DNAAF11: variants seen among roughly 807,000 people sequenced by gnomAD.
The protein encoded by DNAAF11 is dynein axonemal assembly factor 11.
DNAAF11 carries 45 observed loss-of-function variants against 60.8 expected under a neutral mutation model. The observed-to-expected ratio is 0.74, with a 90% CI of 0.58 to 0.95. The LOEUF is 0.95. DNAAF11 is among the 40% of genes least tolerant of loss of function. DNAAF11 has a pLI of 0.00. For synonymous variants in DNAAF11, 191 were observed against 183.5 expected (o/e 1.04, Z -0.33); for missense variants, 546 against 546.2 (o/e 1.00, Z 0.00).
At chr8:132,668,957 T>C (rs1174365076) in intron 1 of DNAAF11, among the ~76,000 whole-genome samples, 1 of 152,194 alleles carries the variant, frequency 6.6e-6, no homozygotes, top group Admixed American at 6.5e-5. Flanking sequence ...GCCAAGGTCA[T>C]GGCCTTTCCT....
At chr8:132,648,667 G>A (rs755380267) in intron 3 of DNAAF11, among the ~76,000 whole-genome samples, 12 of 152,098 alleles carry the variant, frequency 7.9e-5, no homozygotes, top group Non-Finnish European at 1.3e-4. Context: ...CAAAGTGTCA[G>A]GATAAAAAAT....
intron 11 of DNAAF11, among the ~76,000 whole-genome samples, chr8:132,582,834 A>G (rs959933955): frequency 6.6e-6 from 1 of 152,214 alleles, no homozygotes; most frequent in African/African-American, 2.4e-5. Flanking sequence ...TTCAAAATAG[A>G]TTTTACCATC....
At position 132,572,237 on chromosome 8, in the gene DNAAF11, C is replaced by T; in HGVS notation, c.*69G>A. 1.6e-6 allele frequency: 2 copies of T among 1,269,876 alleles called. No homozygotes were observed. Among genetic ancestry groups the T allele is most frequent in the South Asian group, 1.5e-5 (1 of 66,874 alleles). 78.7% of individuals were successfully genotyped at this position (1,269,876 alleles called of 1,614,324 possible). A position where few individuals can be genotyped will look rare whatever the true frequency, so the allele number is the denominator to read the frequency against. On this transcript the variant is annotated 3_prime_UTR_variant, in exon 12 of 12. Transcript: ENST00000620350. ...CTGTGTTTATCCCAGGAATAATATG[C>T]ATATGGTCTCTACACCAACCAAAAC...
chr8:132,598,345 T>C (rs1008876215), intron 10 of DNAAF11, among the ~76,000 whole-genome samples: 1 of 152,170 alleles, frequency 6.6e-6, no homozygotes, highest in East Asian at 1.9e-4. Flanking sequence ...ATTTATTAAA[T>C]TATGACCTTG....
At chr8:132,670,793 G>A (rs1271830433) in intron 1 of DNAAF11, among the ~76,000 whole-genome samples, 5 of 152,024 alleles carry the variant, frequency 3.3e-5, no homozygotes, top group South Asian at 2.1e-4. Context: ...CAATGTATAC[G>A]AGGTTGATAT....
At chr8:132,638,755 A>G (rs1821564905) in intron 3 of DNAAF11, among the ~76,000 whole-genome samples, 1 of 152,224 alleles carries the variant, frequency 6.6e-6, no homozygotes, top group Admixed American at 6.5e-5. Flanking sequence ...AGGGTTTTAT[A>G]GTAAATCTGA....
the DNAAF11 span, among the ~76,000 whole-genome samples, chr8:132,694,314 GATC>G: frequency 6.6e-6 from 1 of 152,154 alleles, no homozygotes; most frequent in Non-Finnish European, 1.5e-5. Context: ...ATTAAGGTAA[GATC>G]ATCAGTGTGG....
At chr8:132,636,006 T>C (rs1398987187) in intron 4 of DNAAF11, among the ~76,000 whole-genome samples, 1 of 151,770 alleles carries the variant, frequency 6.6e-6, no homozygotes, top group Non-Finnish European at 1.5e-5. Context: ...GTCAACATCT[T>C]GAACTTGAAC....
chr8:132,625,478 T>G, intron 5 of DNAAF11, 24 bp from the exon 6 acceptor site: 2 of 1,550,466 alleles, frequency 1.3e-6, no homozygotes, highest in Non-Finnish European at 8.8e-7. Flanking sequence ...ATAGAGCACT[T>G]AAAAACAATA....
chr8:132,632,811 C>G lies in DNAAF11; in HGVS notation c.582G>C (p.Glu194Asp). ...KEEAQRKHQE[E>D]DKNEDKRSNA... Reference sequence around the variant, plus strand: ...TACTTCTCTTGTCTTCATTTTTATCCTCTTCTTGGTGTTTCCTCTGAGCCT... The same window carrying G: ...TACTTCTCTTGTCTTCATTTTTATCGTCTTCTTGGTGTTTCCTCTGAGCCT... The change falls in exon 5 of 12, where the codon GAG becomes GAC. Residue 194 changes from glutamate to aspartate, a missense_variant. Transcript: ENST00000620350. The G allele has an allele frequency of 6.2e-7, 1 of 1,613,924 alleles. No homozygotes were observed.
At chr8:132,584,855 C>A (rs1209879190) in intron 10 of DNAAF11, among the ~76,000 whole-genome samples, 1 of 152,172 alleles carries the variant, frequency 6.6e-6, no homozygotes, top group Admixed American at 6.5e-5. Flanking sequence ...CTTCAAGGGT[C>A]TATCATCATC....
In DNAAF11 at chr8:132,570,717, T is replaced by G. The variant is rs1456184728; in HGVS notation, c.*1589A>C. Among the ~76,000 whole-genome samples the G allele has an allele frequency of 1.3e-5, 2 of 152,222 alleles. No individual in the cohort carries two copies. Among genetic ancestry groups the G allele is most frequent in the Non-Finnish European group, 2.9e-5 (2 of 68,052 alleles). On this transcript the variant is annotated 3_prime_UTR_variant, in exon 12 of 12. Transcript: ENST00000620350. ...GCAGAGGGACCCAGCCTGCTGCAGC[T>G]GATCCTTGATCTCCACCACTGTGTG...
intron 1 of DNAAF11, chr8:132,675,208 G>C (rs910430275): frequency 1.4e-5 from 6 of 413,972 alleles, no homozygotes; most frequent in Non-Finnish European, 2.6e-5. Context: ...CCCTTTCCTG[G>C]AGTCCAGTGC....
intron 1 of DNAAF11, among the ~76,000 whole-genome samples, chr8:132,664,370 T>C (rs1402971532): frequency 6.6e-6 from 1 of 152,198 alleles, no homozygotes; most frequent in Non-Finnish European, 1.5e-5. Context: ...GTGAAAGGCT[T>C]TTCTAAATTG....
At chr8:132,609,840 C>T (rs1015801528) in intron 10 of DNAAF11, among the ~76,000 whole-genome samples, 1 of 152,192 alleles carries the variant, frequency 6.6e-6, no homozygotes, top group Non-Finnish European at 1.5e-5. Context: ...GGGGTTTCTG[C>T]AGCTTACAGC....
intron 10 of DNAAF11, among the ~76,000 whole-genome samples, chr8:132,601,952 T>G (rs1817668577): frequency 6.6e-6 from 1 of 151,834 alleles, no homozygotes; most frequent in South Asian, 2.1e-4. Context: ...TCTGCTAAAT[T>G]CTTCCTTTAT....
At chr8:132,578,475 C>T (rs1409170143) in intron 11 of DNAAF11, 1 of 1,534,718 alleles carries the variant, frequency 6.5e-7, no homozygotes, top group African/African-American at 1.4e-5. Flanking sequence ...TTACCCACGA[C>T]CTGACTGTCA....
chr8:132,588,426 T>C (rs1816125336), intron 10 of DNAAF11, among the ~76,000 whole-genome samples: 1 of 152,232 alleles, frequency 6.6e-6, no homozygotes, highest in African/African-American at 2.4e-5. Context: ...CAGTTTCAAC[T>C]ATTACCTCCA....
At chr8:132,659,706 C>A (rs1231965395) in intron 2 of DNAAF11, among the ~76,000 whole-genome samples, 2 of 152,094 alleles carry the variant, frequency 1.3e-5, no homozygotes, top group Non-Finnish European at 2.9e-5. Context: ...ATGATGCAAA[C>A]CTAGGCTTTT....
Sources: allele counts gnomAD v4.1 joint callset (sites outside exome capture counted in the v4.1 genomes callset), GRCh38; gene constraint gnomAD v4.1.1; transcripts MANE v1.5; gene names NCBI Gene and HGNC (gene_info 2026-07-23, HGNC 2026-07-21).